The following LATS2 variants were observed in gnomAD, a reference collection of about 807,000 sequenced individuals.
The protein encoded by LATS2 is large tumor suppressor kinase 2.
In LATS2, 24 loss-of-function variants were observed where a neutral mutation model predicts 76.0. The ratio of observed to expected loss-of-function variants is 0.32; its 90% CI spans 0.23 to 0.44. The LOEUF (loss-of-function observed/expected upper bound fraction) is 0.44, where lower values mean the gene tolerates loss of function less well. LATS2 is among the 20% of genes least tolerant of loss of function. The pLI, the probability that LATS2 is intolerant of heterozygous loss-of-function variation, is 1.00. For synonymous variants in LATS2, 692 were observed against 635.4 expected, an observed-to-expected ratio of 1.09 and a Z score of -1.34; for missense variants, 1,286 against 1,481.2, an observed-to-expected ratio of 0.87 and a Z score of 2.16.
chr13:20,974,813 C>T lies in LATS2; in HGVS notation c.*57G>A. On this transcript the variant is annotated 3_prime_UTR_variant, in exon 8 of 8. Coordinates refer to ENST00000382592, the MANE Select transcript of LATS2 (RefSeq NM_014572.3). ...GCTTCCCTATTGGCCTGTGAGGGCA[C>T]CGGCTCCGGGACCCTGACCTGGGAG... 3.9e-6 allele frequency: 6 copies of T among 1,537,522 alleles called. No homozygotes were observed. Among genetic ancestry groups the T allele is most frequent in the Non-Finnish European group, 5.2e-6 (6 of 1,145,226 alleles).
At chr13:20,979,847 G>T in intron 6 of LATS2, 50 bp from the exon 7 acceptor site, 1 of 1,029,132 alleles carries the variant, frequency 9.7e-7, no homozygotes, top group South Asian at 1.4e-5. Context: ...ATTCTCCTCC[G>T]AGGTGAATTT....
intron 2 of LATS2, among the ~76,000 whole-genome samples, chr13:20,996,663 G>A (rs1475183913): frequency 3.3e-5 from 5 of 152,284 alleles, no homozygotes; most frequent in African/African-American, 1.2e-4. Flanking sequence ...TTATAGGTGT[G>A]AGCCACCGTG....
chr13:21,012,414 G>C (rs1308606612), intron 2 of LATS2, among the ~76,000 whole-genome samples: 1 of 152,138 alleles, frequency 6.6e-6, no homozygotes, highest in Non-Finnish European at 1.5e-5. Flanking sequence ...GTTGGACTAT[G>C]AAGTTACAGC....
At chr13:21,005,436 G>A (rs948369241) in intron 2 of LATS2, 38 of 152,304 alleles carry the variant, frequency 2.5e-4, no homozygotes, top group African/African-American at 8.9e-4. Flanking sequence ...GGCTTTCTCT[G>A]CCTTCCAAGG....
At chr13:20,984,780 C>G (rs1595212908) in intron 4 of LATS2, among the ~76,000 whole-genome samples, 1 of 152,160 alleles carries the variant, frequency 6.6e-6, no homozygotes, top group Non-Finnish European at 1.5e-5. Context: ...AATGCAATCC[C>G]TATCAAAATA....
chr13:20,993,372 T>C (rs1870593472), intron 2 of LATS2, among the ~76,000 whole-genome samples: 1 of 152,244 alleles, frequency 6.6e-6, no homozygotes. Flanking sequence ...GATGGTCTAA[T>C]ACTGAATCAA....
At chr13:20,994,977 C>G (rs1400083576) in intron 2 of LATS2, among the ~76,000 whole-genome samples, 1 of 152,030 alleles carries the variant, frequency 6.6e-6, no homozygotes, top group Non-Finnish European at 1.5e-5. Context: ...CGCAGTGGTA[C>G]AGGGCGCAGA....
At chr13:20,979,255 A>G (rs1325412949) in intron 7 of LATS2, among the ~76,000 whole-genome samples, 1 of 152,146 alleles carries the variant, frequency 6.6e-6, no homozygotes, top group African/African-American at 2.4e-5. Context: ...TGGGGAGTTG[A>G]AAGTTATGCA....
intron 2 of LATS2, among the ~76,000 whole-genome samples, chr13:21,012,790 C>A (rs905514084): frequency 2.0e-5 from 3 of 151,900 alleles, no homozygotes; most frequent in East Asian, 1.9e-4. Context: ...ATCACACCCC[C>A]CCCCCACCTC....
chr13:21,061,313 T>G (rs2138425617), intron 1 of LATS2, 33 bp downstream of exon 1: 1 of 152,428 alleles, frequency 6.6e-6, no homozygotes, highest in East Asian at 1.9e-4. Context: ...CCCTCCGAGC[T>G]GCCGCCCCGA....
chr13:21,038,871 C>T (rs932199058), intron 2 of LATS2, among the ~76,000 whole-genome samples: 6 of 152,060 alleles, frequency 3.9e-5, no homozygotes, highest in African/African-American at 1.4e-4. Flanking sequence ...CCCAGCTCCT[C>T]GGGAGGCTGA....
chr13:21,029,305 G>C (rs1254238928), intron 2 of LATS2, among the ~76,000 whole-genome samples: 1 of 152,174 alleles, frequency 6.6e-6, no homozygotes, highest in African/African-American at 2.4e-5. Flanking sequence ...TTTCTGAAAT[G>C]CTTACTCTAT....
intron 6 of LATS2, 137 bp downstream of exon 6, chr13:20,981,329 A>C (rs904068617): frequency 1.4e-6 from 1 of 739,612 alleles, no homozygotes; most frequent in Non-Finnish European, 2.2e-6. Flanking sequence ...TGCAGAAATT[A>C]GTAGCTTTCA....
chr13:20,980,637 G>T (rs1283613759), intron 6 of LATS2, among the ~76,000 whole-genome samples: 3 of 152,170 alleles, frequency 2.0e-5, no homozygotes, highest in Non-Finnish European at 2.9e-5. Context: ...TGCTGCACGT[G>T]GTAGAGGGAA....
intron 2 of LATS2, chr13:21,022,957 A>T (rs1432589682): frequency 6.6e-6 from 1 of 152,208 alleles, no homozygotes; most frequent in Non-Finnish European, 1.5e-5. Context: ...CTCCAGCTGG[A>T]CGCTTGGGCA....
intron 1 of LATS2, among the ~76,000 whole-genome samples, chr13:21,053,233 CA>C (rs1194900665): frequency 0.11 from 4,304 of 38,382 alleles, 98 homozygotes; most frequent in East Asian, 0.39. Context: ...GACTCTGTCT[CA>C]AAAAAAAAAA....
chr13:21,052,758 T>C lies in LATS2; in HGVS notation c.-204-6528A>G, dbSNP rs550449876. On this transcript the variant is annotated intron_variant, in intron 1 of 7. Transcript: ENST00000382592. ...AACACAGAGAAGAAAAGCTTAAGTC[T>C]TTCCTCTCTGAAACGTGCCTGCAGC... Among the ~76,000 whole-genome samples, 9 of 151,550 alleles carry C rather than the reference T, an allele frequency of 5.9e-5. No homozygotes were observed. The South Asian group carries it at 1.7e-3, about 28-fold the overall frequency.
At chr13:20,981,115 C>G (rs552115382) in intron 6 of LATS2, among the ~76,000 whole-genome samples, 2 of 152,204 alleles carry the variant, frequency 1.3e-5, no homozygotes, top group South Asian at 2.1e-4. Context: ...AGCTAGAGCC[C>G]GGAAATGTGT....
chr13:20,998,693 G>A (rs1374999186), intron 2 of LATS2, among the ~76,000 whole-genome samples: 3 of 152,232 alleles, frequency 2.0e-5, no homozygotes, highest in Non-Finnish European at 2.9e-5. Context: ...CCTGAGCGCG[G>A]CGCTCCCGGC....
Sources: gnomAD v4.1 joint callset for allele counts (sites outside exome capture counted in the v4.1 genomes callset) on GRCh38, gnomAD v4.1.1 for gene constraint, MANE v1.5 for transcripts, NCBI Gene and HGNC (gene_info 2026-07-23, HGNC 2026-07-21) for gene names.